GNG7: variants seen among roughly 807,000 people sequenced by gnomAD.
The protein encoded by GNG7 is G protein subunit gamma 7.
A neutral mutation model predicts 4.0 loss-of-function variants in GNG7; 1 was observed. The observed-to-expected ratio is 0.25, with a 90% confidence interval of 0.09 to 1.18. GNG7 has a LOEUF of 1.18. GNG7 is among the 50% of genes most tolerant of loss of function. GNG7 has a pLI of 0.50. For synonymous variants in GNG7, 34 were observed against 36.9 expected (o/e 0.92, Z 0.29); for missense variants, 86 against 91.9 (o/e 0.94, Z 0.26).
At chr19:2,651,791 C>T (rs1982838304) in intron 1 of GNG7, among the ~76,000 whole-genome samples, 1 of 151,782 alleles carries the variant, frequency 6.6e-6, no homozygotes, top group Admixed American at 6.6e-5. Context: ...GTCTTGAATT[C>T]CTGGGCTCAG....
chr19:2,673,181 C>T (rs915732539), intron 1 of GNG7, among the ~76,000 whole-genome samples: 3 of 150,996 alleles, frequency 2.0e-5, no homozygotes, highest in Admixed American at 6.7e-5. Flanking sequence ...GGCCGTGAAC[C>T]CGGGAGGCGG....
chr19:2,655,881 C>T lies in GNG7; in HGVS notation c.-134-9601G>A, dbSNP rs112459058. ...AAAAATACATATATATATAAATTAG[C>T]CAGGCGTGGTGGTGGGCACCTGTAA... On this transcript the variant is annotated intron_variant, in intron 1 of 4. Coordinates refer to ENST00000382159, the MANE Select transcript of GNG7 (RefSeq NM_052847.3). Among the ~76,000 whole-genome samples, 781 of 144,940 alleles carry T rather than the reference C, an allele frequency of 5.4e-3. 19 individuals are homozygous for T. The highest frequency in any genetic ancestry group is 0.019 in the African/African-American group (731 of 38,138).
chr19:2,638,338 G>A (rs367863517), intron 2 of GNG7, among the ~76,000 whole-genome samples: 1 of 147,950 alleles, frequency 6.8e-6, no homozygotes, highest in East Asian at 2.0e-4. Context: ...CTCCAGCCTG[G>A]GTGACAGAGC....
intron 3 of GNG7, among the ~76,000 whole-genome samples, chr19:2,543,459 A>C (rs1979027945): frequency 6.6e-6 from 1 of 152,034 alleles, no homozygotes; most frequent in African/African-American, 2.4e-5. Context: ...TCCTGGGCTC[A>C]AGCAATCCCT....
chr19:2,539,112 A>T (rs1426743153), intron 3 of GNG7, among the ~76,000 whole-genome samples: 1 of 152,176 alleles, frequency 6.6e-6, no homozygotes, highest in Non-Finnish European at 1.5e-5. Flanking sequence ...TAACTAATTT[A>T]GGTATTTAAT....
chr19:2,635,469 C>T (rs1030471282), intron 2 of GNG7, among the ~76,000 whole-genome samples: 43 of 152,304 alleles, frequency 2.8e-4, no homozygotes, highest in African/African-American at 1.0e-3. Flanking sequence ...TGGGATTTGC[C>T]TCTTCTCTCC....
rs1300784738 is a variant in GNG7 at position 2,611,328 on chromosome 19, G to A, written c.-78+34896C>T. ...GGTGTTTCTGGGACGCTGGGAGCTG[G>A]AGCCAGGACAGGTCTCCCGGGAGCT... On this transcript the variant is annotated intron_variant, in intron 2 of 4. Transcript: ENST00000382159. This position sits in a 1 kb window ranked among gnomAD's most constrained non-coding sequence, Gnocchi z 6.0. 1.3e-5 allele frequency: 2 copies of A among 152,394 alleles called. No homozygotes were observed. The highest frequency in any genetic ancestry group is 2.1e-4 in the South Asian group (1 of 4,820). 9.4% of individuals were successfully genotyped at this position (152,394 alleles called of 1,614,324 possible). A position where few individuals can be genotyped will look rare whatever the true frequency, so the allele number is the denominator to read the frequency against.
chr19:2,522,293 G>C (rs1265401817), intron 3 of GNG7, among the ~76,000 whole-genome samples: 4 of 152,234 alleles, frequency 2.6e-5, no homozygotes, highest in South Asian at 2.1e-4. Context: ...GGGGTGGCAG[G>C]GGCAGGGGCC....
chr19:2,599,151 C>T (rs2965205), intron 2 of GNG7, among the ~76,000 whole-genome samples: 121,937 of 151,968 alleles, frequency 0.8, 49,005 homozygotes, highest in Middle Eastern at 0.87. Flanking sequence ...GTTGCTCCGC[C>T]GCAGACACCA....
chr19:2,677,563 T>C (rs1983625524), intron 1 of GNG7, among the ~76,000 whole-genome samples: 1 of 151,794 alleles, frequency 6.6e-6, no homozygotes. Context: ...CCCGATGGGG[T>C]GGATGGCAGA....
At chr19:2,669,478 A>G (rs1263259959) in intron 1 of GNG7, among the ~76,000 whole-genome samples, 1 of 152,190 alleles carries the variant, frequency 6.6e-6, no homozygotes, top group African/African-American at 2.4e-5. Flanking sequence ...TGATAGAGTG[A>G]GACTCTGTCT....
At chr19:2,696,053 A>G (rs1427056229) in intron 1 of GNG7, among the ~76,000 whole-genome samples, 1 of 151,772 alleles carries the variant, frequency 6.6e-6, no homozygotes, top group African/African-American at 2.4e-5. Context: ...GCTACTCGGG[A>G]GGCTGAGGCA....
chr19:2,656,766 GGAGGCC>G, intron 1 of GNG7, among the ~76,000 whole-genome samples: 1 of 152,154 alleles, frequency 6.6e-6, no homozygotes, highest in Non-Finnish European at 1.5e-5. Flanking sequence ...AGCACAGCTG[GGAGGCC>G]TCGACAGAGA....
chr19:2,519,519 G>A (rs1978297276), intron 4 of GNG7, among the ~76,000 whole-genome samples: 1 of 151,474 alleles, frequency 6.6e-6, no homozygotes, highest in South Asian at 2.1e-4. Flanking sequence ...TTGAACGCCT[G>A]ACCTCAAGTG....
In GNG7 at chr19:2,641,034, G is replaced by A. The variant is rs140894477; in HGVS notation, c.-78+5190C>T. Reference sequence around the variant, plus strand: ...CTTAAGTCTATGAAATGAAGGGGAGGCACTCCAGAAACTGGCAGATGGTCC... The same window carrying A: ...CTTAAGTCTATGAAATGAAGGGGAGACACTCCAGAAACTGGCAGATGGTCC... On this transcript the variant is annotated intron_variant, in intron 2 of 4. Coordinates refer to ENST00000382159, the MANE Select transcript of GNG7 (RefSeq NM_052847.3). Among the ~76,000 whole-genome samples, 1,360 of 152,164 alleles carry A rather than the reference G, an allele frequency of 8.9e-3. 20 individuals are homozygous for A. The highest frequency in any genetic ancestry group is 0.031 in the African/African-American group (1,285 of 41,514).
chr19:2,583,082 A>T (rs1467345074), intron 2 of GNG7, among the ~76,000 whole-genome samples: 1 of 152,162 alleles, frequency 6.6e-6, no homozygotes, highest in Admixed American at 6.6e-5. Flanking sequence ...ATGAGATTAC[A>T]GGCATGAGCC....
At chr19:2,541,031 A>T (rs941421975) in intron 3 of GNG7, among the ~76,000 whole-genome samples, 3 of 152,230 alleles carry the variant, frequency 2.0e-5, no homozygotes, top group Non-Finnish European at 2.9e-5. Context: ...AAAGGACAGG[A>T]ATGTCAAGAA....
intron 2 of GNG7, among the ~76,000 whole-genome samples, chr19:2,556,753 G>T (rs1314918379): frequency 6.6e-6 from 1 of 152,140 alleles, no homozygotes; most frequent in African/African-American, 2.4e-5. Flanking sequence ...CCTAAGCCAG[G>T]GTCTCTCCTC....
chr19:2,579,419 C>T lies in GNG7; in HGVS notation c.-77-24231G>A, dbSNP rs894276964. ...CTGGCCATCAGGCTGCCCCGGGAAG[C>T]CGGGCGACCGGGAAGATAGCAGAGT... On this transcript the variant is annotated intron_variant, in intron 2 of 4. Coordinates refer to ENST00000382159, the MANE Select transcript of GNG7 (RefSeq NM_052847.3). Among the ~76,000 whole-genome samples the T allele has an allele frequency of 4.6e-5, 7 of 152,320 alleles. No homozygotes were observed. In the East Asian group the frequency reaches 1.4e-3, roughly 29 times the overall value.
Sources: gnomAD v4.1 joint callset for allele counts (sites outside exome capture counted in the v4.1 genomes callset) on GRCh38, gnomAD v4.1.1 for gene constraint, Gnocchi (gnomAD v3.1) non-coding constraint, MANE v1.5 for transcripts, NCBI Gene and HGNC (gene_info 2026-07-23, HGNC 2026-07-21) for gene names.